Variants in MTAP observed in about 807,000 individuals in gnomAD.
The protein encoded by MTAP is methylthioadenosine phosphorylase.
MTAP carries 33 observed loss-of-function variants against 33.6 expected under a neutral mutation model. The ratio of observed to expected loss-of-function variants is 0.98; its 90% CI spans 0.74 to 1.31. The LOEUF (loss-of-function observed/expected upper bound fraction) is 1.31, where lower values mean the gene tolerates loss of function less well. MTAP is among the 40% of genes most tolerant of loss of function. MTAP has a pLI of 0.00. For synonymous variants in MTAP, 148 were observed against 125.7 expected (o/e 1.18, Z -1.19); for missense variants, 367 against 360.0 (o/e 1.02, Z -0.16).
intron 1 of MTAP, among the ~76,000 whole-genome samples, chr9:21,910,152 T>A (rs906689053): frequency 6.6e-6 from 1 of 152,132 alleles, no homozygotes; most frequent in Non-Finnish European, 1.5e-5. Context: ...AAGAAGATAT[T>A]GTTTGAAAGG....
downstream of MTAP, chr9:21,933,936 A>C (rs1188301853): frequency 1.3e-5 from 2 of 152,242 alleles, no homozygotes; most frequent in African/African-American, 4.8e-5. Context: ...AATAAGACCT[A>C]GCGCAAATGT....
chr9:21,866,834 A>C lies in MTAP; in HGVS notation c.*4820A>C, dbSNP rs1290484876. ...TTGACAATATTGAACCTTTCAATCG[A>C]TGGACATGGTATGTTTCTGCATTTA... On this transcript the variant is annotated 3_prime_UTR_variant, in exon 8 of 8. Coordinates refer to ENST00000644715, the MANE Select transcript of MTAP (RefSeq NM_002451.4). 4 of 152,106 alleles carry C rather than the reference A, an allele frequency of 2.6e-5. No individual in the cohort carries two copies. The highest frequency in any genetic ancestry group is 5.9e-5 in the Non-Finnish European group (4 of 67,992). 9.4% of individuals were successfully genotyped at this position (152,106 alleles called of 1,614,324 possible).
At chr9:21,924,713 T>G (rs970652037) in intron 1 of MTAP, among the ~76,000 whole-genome samples, 2 of 151,994 alleles carry the variant, frequency 1.3e-5, no homozygotes, top group African/African-American at 4.8e-5. Context: ...CCAAGTCTCC[T>G]GGCCCTGGAG....
Position 21,816,762 on chromosome 9 carries a change from C to T in MTAP, c.169C>T (p.Leu57Phe). The T allele has an allele frequency of 6.2e-7, 1 of 1,610,926 alleles. No homozygotes were observed. Among genetic ancestry groups the T allele is most frequent in the Non-Finnish European group, 8.5e-7 (1 of 1,178,590 alleles). Residue 57 changes from leucine to phenylalanine, a missense_variant, in exon 3 of 8, where the codon CTC (leucine) becomes TTC (phenylalanine). Leu to Phe is a conservative substitution (Grantham distance 22). Transcript: ENST00000644715. ...GAAGATAAAAAATGTTGATTGCGTC[C>T]TCCTTGCAAGGTATGGTATTTTAAG... Reference protein sequence around the residue: ...LGKIKNVDCVLLARHGRQHTI... With the variant: ...LGKIKNVDCVFLARHGRQHTI...
chr9:21,881,916 T>C (rs1186054636), intron 1 of MTAP, among the ~76,000 whole-genome samples: 1 of 152,004 alleles, frequency 6.6e-6, no homozygotes, highest in East Asian at 1.9e-4. Flanking sequence ...CAAAGAAATT[T>C]GCACACCCAT....
chr9:21,849,437 C>T (rs548348081), intron 5 of MTAP, among the ~76,000 whole-genome samples: 124 of 152,244 alleles, frequency 8.1e-4, no homozygotes, highest in Middle Eastern at 3.4e-3. Flanking sequence ...TCAGGTCTGA[C>T]GTGCAGTGGG....
At chr9:21,821,893 C>G (rs536290938) in intron 4 of MTAP, among the ~76,000 whole-genome samples, 3 of 152,144 alleles carry the variant, frequency 2.0e-5, no homozygotes, top group East Asian at 3.9e-4. Flanking sequence ...TCCATTTCTT[C>G]TAGATTTTCT....
At chr9:21,894,408 A>G (rs949887567) in intron 1 of MTAP, among the ~76,000 whole-genome samples, 3 of 152,006 alleles carry the variant, frequency 2.0e-5, no homozygotes, top group East Asian at 1.9e-4. Flanking sequence ...AGCCAGAGCA[A>G]TAAGGCAAGT....
Position 21,854,639 on chromosome 9 carries a change from A to G in MTAP, c.459A>G (p.Ile153Met). Residue 153 changes from isoleucine to methionine, a missense_variant, in exon 6 of 8, where the codon ATA becomes ATG. Ile to Met is a conservative substitution (Grantham distance 10). Transcript: ENST00000644715. ...PFCPKTREVL[I>M]ETAKKLGLRC... ...TGGTTTTTCTTTTCTAGGTTCTTAT[A>G]GAGACTGCTAAGAAGCTAGGACTCC... The G allele has an allele frequency of 6.3e-7, 1 of 1,579,708 alleles. No homozygotes were observed.
At chr9:21,924,373 T>C (rs772845491) in intron 1 of MTAP, among the ~76,000 whole-genome samples, 6 of 152,210 alleles carry the variant, frequency 3.9e-5, no homozygotes, top group Non-Finnish European at 8.8e-5. Context: ...TTTTTCTGTA[T>C]CACAGCCTGG....
intron 1 of MTAP, among the ~76,000 whole-genome samples, chr9:21,889,675 C>T (rs747712004): frequency 1.3e-5 from 2 of 152,044 alleles, no homozygotes; most frequent in Admixed American, 6.6e-5. Context: ...CTGGGTCTAG[C>T]CTCCCAGCAG....
chr9:21,903,856 C>A (rs570653532), intron 1 of MTAP, among the ~76,000 whole-genome samples: 1 of 152,216 alleles, frequency 6.6e-6, no homozygotes, highest in South Asian at 2.1e-4. Context: ...TTACAGGGTG[C>A]TCTTTTAGTT....
At chr9:21,834,279 A>T (rs1825047463) in intron 4 of MTAP, among the ~76,000 whole-genome samples, 1 of 152,150 alleles carries the variant, frequency 6.6e-6, no homozygotes, top group South Asian at 2.1e-4. Flanking sequence ...GACGAGAGTG[A>T]CTTTCCCAGA....
At chr9:21,899,577 G>A (rs1436385321) in intron 1 of MTAP, among the ~76,000 whole-genome samples, 1 of 152,156 alleles carries the variant, frequency 6.6e-6, no homozygotes, top group Non-Finnish European at 1.5e-5. Context: ...AGGTGAACGG[G>A]AAGCAAGACA....
Position 21,864,447 on chromosome 9 carries a change from G to C in MTAP, c.*2433G>C. The C allele has an allele frequency of 1.0e-6, 1 of 985,380 alleles. No individual in the cohort carries two copies. The highest frequency in any genetic ancestry group is 1.1e-4 in the East Asian group (1 of 8,808). 61.0% of individuals were successfully genotyped at this position (985,380 alleles called of 1,614,324 possible). A position where few individuals can be genotyped will look rare whatever the true frequency, so the allele number is the denominator to read the frequency against. ...AAAGGATGGATGGTGAGCATCATGGGAAAGCTGTAGTTTAGTGACTTAGCC... is the reference window on the plus strand; with the variant it reads ...AAAGGATGGATGGTGAGCATCATGGCAAAGCTGTAGTTTAGTGACTTAGCC... On this transcript the variant is annotated 3_prime_UTR_variant, in exon 8 of 8. Coordinates refer to ENST00000644715, the MANE Select transcript of MTAP (RefSeq NM_002451.4).
intron 5 of MTAP, 87 bp downstream of exon 5, chr9:21,838,097 G>T: frequency 1.9e-6 from 2 of 1,042,114 alleles, no homozygotes; most frequent in Non-Finnish European, 3.0e-6. Context: ...CAGAGCGAGT[G>T]GCCCCATACC....
At chr9:21,904,617 A>G (rs911001497) in intron 1 of MTAP, among the ~76,000 whole-genome samples, 2 of 152,210 alleles carry the variant, frequency 1.3e-5, no homozygotes, top group African/African-American at 4.8e-5. Context: ...TGACTCACTA[A>G]AAAGAAAAAT....
chr9:21,844,608 A>G (rs1158422466), intron 5 of MTAP, among the ~76,000 whole-genome samples: 1 of 152,258 alleles, frequency 6.6e-6, no homozygotes, highest in Non-Finnish European at 1.5e-5. Flanking sequence ...ACATCACATA[A>G]ACATAATTTA....
At chr9:21,824,142 C>T (rs188124284) in intron 4 of MTAP, among the ~76,000 whole-genome samples, 12 of 152,314 alleles carry the variant, frequency 7.9e-5, no homozygotes, top group East Asian at 1.9e-4. Flanking sequence ...CCATTGCTGG[C>T]GAGGAGCTGT....
Sources: gnomAD v4.1 joint callset for allele counts (sites outside exome capture counted in the v4.1 genomes callset) on GRCh38, gnomAD v4.1.1 for gene constraint, MANE v1.5 for transcripts, NCBI Gene and HGNC (gene_info 2026-07-23, HGNC 2026-07-21) for gene names.